HS3ST3A1: variants seen among roughly 807,000 people sequenced by gnomAD.
The protein encoded by HS3ST3A1 is heparan sulfate-glucosamine 3-sulfotransferase 3A1, also known as heparan sulfate glucosamine 3-O-sulfotransferase 3A1.
In HS3ST3A1, 19 loss-of-function variants were observed where a neutral mutation model predicts 25.7. The ratio of observed to expected loss-of-function variants is 0.74; its 90% CI spans 0.52 to 1.08. The LOEUF is 1.08. Among genes scored for constraint, HS3ST3A1 ranks in the 50% least tolerant of loss-of-function variants. The pLI, the probability that HS3ST3A1 is intolerant of heterozygous loss-of-function variation, is 0.00. For synonymous variants in HS3ST3A1, 226 were observed against 278.6 expected (o/e 0.81, Z 1.88); for missense variants, 459 against 594.3 (o/e 0.77, Z 2.37).
At chr17:13,498,949 T>TG (rs1329776943) in intron 1 of HS3ST3A1, among the ~76,000 whole-genome samples, 1 of 151,992 alleles carries the variant, frequency 6.6e-6, no homozygotes, top group East Asian at 1.9e-4. Context: ...ATTTTTGTTT[T>TG]TTTTTTTTGG....
chr17:13,567,709 C>T (rs1324600776), intron 1 of HS3ST3A1, among the ~76,000 whole-genome samples: 3 of 152,110 alleles, frequency 2.0e-5, no homozygotes, highest in Non-Finnish European at 4.4e-5. Context: ...GGAAATGGCC[C>T]AAGAACTAGA....
intron 1 of HS3ST3A1, among the ~76,000 whole-genome samples, chr17:13,597,288 CA>C (rs1908602660): frequency 6.6e-6 from 1 of 151,774 alleles, no homozygotes; most frequent in East Asian, 1.9e-4. Context: ...AAAAAAGAGA[CA>C]TACCTTTTAG....
At position 13,494,097 on chromosome 17, in the gene HS3ST3A1, A is replaced by G. The variant is rs188659613; in HGVS notation, c.*2100T>C. ...AAAAAAATGAAGGTTGCAGAATGCA[A>G]TTGTTTCTTTGTGCAAGCCACTTTT... On this transcript the variant is annotated 3_prime_UTR_variant, in exon 2 of 2. Transcript: ENST00000284110. Among the ~76,000 whole-genome samples the G allele has an allele frequency of 4.1e-4, 63 of 152,348 alleles. No individual in the cohort carries two copies. The highest frequency in any genetic ancestry group is 4.4e-5 in the Non-Finnish European group (3 of 68,028).
rs1019225199 is a variant in HS3ST3A1 at position 13,547,026 on chromosome 17, C to T, written c.600-50208G>A. ...CATGTTTTGCAGTTGCCTAGGAACC[C>T]GTCACAGAATATACATTAGATTTAA... On this transcript the variant is annotated intron_variant, in intron 1 of 1. Transcript: ENST00000284110. Among the ~76,000 whole-genome samples the T allele has an allele frequency of 2.0e-4, 30 of 152,192 alleles. 1 individual carries two copies. Among genetic ancestry groups the T allele is most frequent in the Admixed American group, 1.6e-3 (25 of 15,276 alleles).
Position 13,600,925 on chromosome 17 carries a change from C to G in HS3ST3A1, c.205G>C (p.Gly69Arg), listed in dbSNP as rs1331042534. 11 of 1,529,650 alleles carry G rather than the reference C, an allele frequency of 7.2e-6. No homozygotes were observed. Among genetic ancestry groups the G allele is most frequent in the Middle Eastern group, 1.9e-4 (1 of 5,252 alleles). 94.8% of individuals were successfully genotyped at this position (1,529,650 alleles called of 1,614,324 possible). Residue 69 changes from glycine (G) to arginine (R), a missense_variant, in exon 1 of 2, where the codon GGC (glycine) becomes CGC (arginine). By Grantham distance (125) the Gly-to-Arg change is moderately radical. Around this residue, in one of 3 missense-constraint regions of HS3ST3A1, gnomAD observed 346 missense variants for 303.9 expected, o/e 1.14. Transcript: ENST00000284110. ...GGEEAGAPGG[G>R]VLAGGPRELA... is the part of the protein sequence containing the mutation. ...TCCCTCGGGCCTCCGGCCAGGACGC[C>G]GCCACCAGGGGCCCCCGCCTCCTCG...
chr17:13,532,567 G>C (rs538257846), intron 1 of HS3ST3A1, among the ~76,000 whole-genome samples: 7 of 152,168 alleles, frequency 4.6e-5, no homozygotes, highest in African/African-American at 1.4e-4. Context: ...GGGCCCGAGG[G>C]GGGCCAGAAT....
intron 1 of HS3ST3A1, among the ~76,000 whole-genome samples, chr17:13,506,901 CAAA>C (rs958583882): frequency 5.9e-5 from 6 of 101,222 alleles, no homozygotes; most frequent in African/African-American, 1.1e-4. Flanking sequence ...TACTAAAATA[CAAA>C]AAAAAAAAAA....
chr17:13,584,297 A>G (rs1051003170), intron 1 of HS3ST3A1, among the ~76,000 whole-genome samples: 1 of 152,126 alleles, frequency 6.6e-6, no homozygotes, highest in Non-Finnish European at 1.5e-5. Flanking sequence ...AAGAAGAACC[A>G]CTATGCTTTT....
intron 1 of HS3ST3A1, among the ~76,000 whole-genome samples, chr17:13,515,269 C>G (rs1420345326): frequency 1.3e-5 from 2 of 152,184 alleles, no homozygotes; most frequent in Admixed American, 6.5e-5. Flanking sequence ...AGGCGATTCT[C>G]CCGCCTCAGC....
chr17:13,506,795 G>A (rs771456028), intron 1 of HS3ST3A1, among the ~76,000 whole-genome samples: 12 of 151,876 alleles, frequency 7.9e-5, no homozygotes, highest in Admixed American at 5.9e-4. Context: ...GGTGGCTCAC[G>A]CCTGTAATCC....
intron 1 of HS3ST3A1, among the ~76,000 whole-genome samples, chr17:13,525,992 C>T (rs897232058): frequency 2.0e-5 from 3 of 152,040 alleles, no homozygotes; most frequent in Admixed American, 6.6e-5. Flanking sequence ...TGCACTAAGC[C>T]CCCAGCTGTA....
intron 1 of HS3ST3A1, among the ~76,000 whole-genome samples, chr17:13,511,023 A>C (rs1905843236): frequency 1.3e-5 from 2 of 152,242 alleles, no homozygotes; most frequent in African/African-American, 4.8e-5. Flanking sequence ...ACTTTGGGAA[A>C]GCCATCCCGG....
Position 13,600,846 on chromosome 17 carries a change from TG to T in HS3ST3A1, c.283del (p.Gln95SerfsTer66). The T allele has an allele frequency of 7.0e-7, 1 of 1,432,764 alleles. No homozygotes were observed. The highest frequency in any genetic ancestry group is 9.1e-7 in the Non-Finnish European group (1 of 1,104,418). 88.8% of individuals were successfully genotyped at this position (1,432,764 alleles called of 1,614,324 possible). ...CGCGGGCGGCCGGCGCCTCCGCCAC[TG>T]CGGCAGTTGCAGGAGGCGCTTTCTC... The part of the protein sequence containing the change: ...AQRKRLLQLP[Q>X]WRRRRPPAPR... On this transcript the variant is annotated frameshift_variant, in exon 1 of 2. Transcript: ENST00000284110. LOFTEE classifies it high-confidence loss of function.
At chr17:13,568,232 G>A (rs969350983) in intron 1 of HS3ST3A1, among the ~76,000 whole-genome samples, 1 of 152,136 alleles carries the variant, frequency 6.6e-6, no homozygotes, top group Admixed American at 6.5e-5. Flanking sequence ...TTAAACTAAG[G>A]TATGTACTTT....
At chr17:13,581,025 C>T (rs1374158837) in intron 1 of HS3ST3A1, among the ~76,000 whole-genome samples, 1 of 152,094 alleles carries the variant, frequency 6.6e-6, no homozygotes, top group Non-Finnish European at 1.5e-5. Flanking sequence ...TATTCACTGC[C>T]GTTTCTTGTG....
chr17:13,517,835 G>A (rs538461240), intron 1 of HS3ST3A1, among the ~76,000 whole-genome samples: 32 of 152,188 alleles, frequency 2.1e-4, no homozygotes, highest in African/African-American at 7.5e-4. Flanking sequence ...GTAGAGACAG[G>A]GTTTTGCCAT....
intron 1 of HS3ST3A1, among the ~76,000 whole-genome samples, chr17:13,547,228 G>T (rs1467051265): frequency 6.6e-6 from 1 of 151,996 alleles, no homozygotes; most frequent in African/African-American, 2.4e-5. Context: ...AAAAAAATTT[G>T]GTCTTTGTCC....
intron 1 of HS3ST3A1, among the ~76,000 whole-genome samples, chr17:13,567,729 G>A (rs868496094): frequency 6.6e-5 from 10 of 152,194 alleles, no homozygotes; most frequent in African/African-American, 2.2e-4. Context: ...ACTTAAAAGT[G>A]GAGCCTGAAG....
At chr17:13,544,607 G>A (rs8081884) in intron 1 of HS3ST3A1, among the ~76,000 whole-genome samples, 50,655 of 151,914 alleles carry the variant, frequency 0.33, 8,581 homozygotes, top group African/African-American at 0.37. Flanking sequence ...ATGTCAGGAG[G>A]CTCTGACTCA....
Sources: gnomAD v4.1 joint callset for allele counts (sites outside exome capture counted in the v4.1 genomes callset) on GRCh38, gnomAD v4.1.1 for gene constraint, gnomAD v4.1.1 regional missense constraint, MANE v1.5 for transcripts, NCBI Gene and HGNC (gene_info 2026-07-23, HGNC 2026-07-21) for gene names.